NECTIN1: variants seen among roughly 807,000 people sequenced by gnomAD.
NECTIN1 encodes nectin-1.
A neutral mutation model predicts 48.0 loss-of-function variants in NECTIN1; 23 were observed. The ratio of observed to expected loss-of-function variants is 0.48; its 90% CI spans 0.34 to 0.68. The LOEUF is 0.68. NECTIN1 is among the 30% of genes least tolerant of loss of function. The pLI, the probability that NECTIN1 is intolerant of heterozygous loss-of-function variation, is 0.01. For synonymous variants in NECTIN1, 270 were observed against 288.9 expected (o/e 0.93, Z 0.66); for missense variants, 591 against 709.9 (o/e 0.83, Z 1.90).
In NECTIN1 at chr11:119,673,224, G is replaced by T. The variant is rs1864889262; in HGVS notation, c.1003+1935C>A. Among the ~76,000 whole-genome samples the T allele has an allele frequency of 6.6e-6, 1 of 152,130 alleles. No individual in the cohort carries two copies. Among genetic ancestry groups the T allele is most frequent in the African/African-American group, 2.4e-5 (1 of 41,426 alleles). ...TTGCCTGAGAGCACAAGAACAAACA[G>T]CCCTGAGAAGGCTCAGGCCAACTCC... On this transcript the variant is annotated intron_variant, in intron 5 of 5. Transcript: ENST00000264025. This position sits in a 1 kb window ranked among gnomAD's most constrained non-coding sequence, Gnocchi z 5.8.
chr11:119,678,822 C>T lies in NECTIN1; in HGVS notation c.80-57G>A. ...GTCAGGCACAGCCTCCCCCCACCCA[C>T]ACAGTTCCCTGTGCTCTGGCCTTGT... is the stretch of plus-strand genomic sequence containing the variant. On this transcript the variant is annotated intron_variant, in intron 1 of 5. Transcript: ENST00000264025. This position sits in a 1 kb window ranked among gnomAD's most constrained non-coding sequence, Gnocchi z 4.4. 8.3e-7 allele frequency: 1 copy of T among 1,208,532 alleles called. No individual in the cohort carries two copies. Among genetic ancestry groups the T allele is most frequent in the Non-Finnish European group, 1.2e-6 (1 of 832,758 alleles). 74.9% of individuals were successfully genotyped at this position (1,208,532 alleles called of 1,614,324 possible).
intron 1 of NECTIN1, among the ~76,000 whole-genome samples, chr11:119,688,257 T>C (rs1358028586): frequency 6.6e-6 from 1 of 152,172 alleles, no homozygotes; most frequent in East Asian, 1.9e-4. Flanking sequence ...GCTTGGCCCA[T>C]AGCTATGCTA....
intron 5 of NECTIN1, among the ~76,000 whole-genome samples, chr11:119,643,913 C>T (rs962229492): frequency 1.3e-5 from 2 of 152,222 alleles, no homozygotes; most frequent in Non-Finnish European, 2.9e-5. Context: ...GGGAGGTTGG[C>T]TATGTGCCTC....
At chr11:119,675,570 AG>A (rs1459919538) in intron 4 of NECTIN1, 3 of 418,758 alleles carry the variant, frequency 7.2e-6, no homozygotes, top group Non-Finnish European at 1.3e-5. Flanking sequence ...ATGAAACCTG[AG>A]GTTCAAGGCC....
At chr11:119,638,496 G>T (rs1026790177) in intron 7 of NECTIN1, among the ~76,000 whole-genome samples, 3 of 152,188 alleles carry the variant, frequency 2.0e-5, no homozygotes, top group Admixed American at 2.0e-4. Context: ...ATGAATGAAA[G>T]GACTGTGAGG....
intron 5 of NECTIN1, among the ~76,000 whole-genome samples, chr11:119,653,753 TTC>T (rs893449985): frequency 2.6e-5 from 4 of 152,350 alleles, no homozygotes; most frequent in Non-Finnish European, 4.4e-5. Context: ...GCTCAGTCTG[TTC>T]TAGGTGTTCT....
intron 1 of NECTIN1, among the ~76,000 whole-genome samples, chr11:119,689,706 A>G (rs750703292): frequency 3.3e-5 from 5 of 152,338 alleles, no homozygotes; most frequent in Admixed American, 3.3e-4. Context: ...CTGGAGCAAC[A>G]TTGGGATGGA....
chr11:119,665,357 G>C lies in NECTIN1; in HGVS notation c.1004-60C>G. The C allele has an allele frequency of 6.6e-7, 1 of 1,512,250 alleles. No homozygotes were observed. The highest frequency in any genetic ancestry group is 8.8e-7 in the Non-Finnish European group (1 of 1,134,488). 93.7% of individuals were successfully genotyped at this position (1,512,250 alleles called of 1,614,324 possible). ...AGCGTGTGCTCCTGGGGTGTAGAGG[G>C]GGTGGGAGGGAGGCAGGGAAAGGAG... is the stretch of plus-strand genomic sequence containing the variant. On this transcript the variant is annotated intron_variant, in intron 5 of 5. Coordinates refer to ENST00000264025, the MANE Select transcript of NECTIN1 (RefSeq NM_002855.5). This position sits in a 1 kb window ranked among gnomAD's most constrained non-coding sequence, Gnocchi z 5.1.
chr11:119,639,442 A>G (rs1049494520), intron 6 of NECTIN1: 15 of 231,282 alleles, frequency 6.5e-5, no homozygotes, highest in Admixed American at 2.1e-4. Context: ...CTGATGGTTG[A>G]GGGTTTTGGC....
chr11:119,660,137 C>A (rs540542627), downstream of NECTIN1, among the ~76,000 whole-genome samples: 32 of 152,300 alleles, frequency 2.1e-4, no homozygotes, highest in Admixed American at 1.7e-3. Context: ...GCCATCTTGG[C>A]TCTATCATTT....
At position 119,638,246 on chromosome 11, in the gene NECTIN1, A is replaced by C. The variant is rs755909663; in HGVS notation, c.1229T>G (p.Val410Gly). 30 of 1,613,860 alleles carry C rather than the reference A, an allele frequency of 1.9e-5. No homozygotes were observed. In the South Asian group the frequency reaches 3.3e-4, roughly 18 times the overall value. Residue 410 changes from valine to glycine, a missense_variant and splice_region_variant, in exon 8 of 8, where the codon GTT becomes GGT. Transcript: ENST00000341398. Reference sequence around the variant, plus strand: ...CTGCCTCCCTGGGTCCAGGTGGACAACCTGGAAGAGAAGGCGGTGAGTGCT... The same window carrying C: ...CTGCCTCCCTGGGTCCAGGTGGACACCCTGGAAGAGAAGGCGGTGAGTGCT...
In NECTIN1 at chr11:119,661,674, T is replaced by C; in HGVS notation, c.*3073A>G. The C allele has an allele frequency of 1.0e-6, 1 of 985,852 alleles. No individual in the cohort carries two copies. The allele number at this position is 985,852 out of a possible 1,614,324, so 61.1% of individuals were successfully genotyped here. ...ACCAGTGACTTGGGCAAGTGGGGGT[T>C]GGCTGGCAGAGGAAGCGCATGCCCA... On this transcript the variant is annotated 3_prime_UTR_variant, in exon 6 of 6. Transcript: ENST00000264025.
intron 1 of NECTIN1, among the ~76,000 whole-genome samples, chr11:119,705,557 G>A (rs971615971): frequency 1.3e-5 from 2 of 152,252 alleles, no homozygotes; most frequent in South Asian, 2.1e-4. Flanking sequence ...CAAAGGCCCC[G>A]TGGCGGGAGA....
chr11:119,664,353 C>T lies in NECTIN1; in HGVS notation c.*394G>A. On this transcript the variant is annotated 3_prime_UTR_variant, in exon 6 of 6. Transcript: ENST00000264025. Reference sequence around the variant, plus strand: ...CTCTTAGAGCCCCTTGAGCCCTCCACCCCCAGTGAAGAAACACAAACAAAT... The same window carrying T: ...CTCTTAGAGCCCCTTGAGCCCTCCATCCCCAGTGAAGAAACACAAACAAAT... 3 of 1,037,314 alleles carry T rather than the reference C, an allele frequency of 2.9e-6. No homozygotes were observed. Among genetic ancestry groups the T allele is most frequent in the Non-Finnish European group, 3.5e-6 (3 of 861,672 alleles). 64.3% of individuals were successfully genotyped at this position (1,037,314 alleles called of 1,614,324 possible).
At position 119,677,936 on chromosome 11, in the gene NECTIN1, C is replaced by T. The variant is rs762002294; in HGVS notation, c.431-79G>A. On this transcript the variant is annotated intron_variant, in intron 2 of 5. Transcript: ENST00000264025. The surrounding 1 kb of genome is among the most constrained non-coding windows in gnomAD (Gnocchi z 5.4). ...GCACCGGCCAAAAGGGCGTGGCATC[C>T]GTCAGGCCTTGTCTTCAGGTCCCCT... 2.9e-5 allele frequency: 42 copies of T among 1,441,952 alleles called. No homozygotes were observed. The highest frequency in any genetic ancestry group is 1.0e-4 in the Admixed American group (6 of 57,848). 89.3% of individuals were successfully genotyped at this position (1,441,952 alleles called of 1,614,324 possible). A position where few individuals can be genotyped will look rare whatever the true frequency, so the allele number is the denominator to read the frequency against.
chr11:119,689,676 A>G (rs368897591), intron 1 of NECTIN1, among the ~76,000 whole-genome samples: 7 of 152,354 alleles, frequency 4.6e-5, no homozygotes, highest in African/African-American at 1.7e-4. Context: ...GCGCACTGCC[A>G]GAGCAGCAGG....
intron 1 of NECTIN1, among the ~76,000 whole-genome samples, chr11:119,690,213 C>T (rs974054001): frequency 3.3e-5 from 5 of 152,144 alleles, no homozygotes; most frequent in Non-Finnish European, 7.4e-5. Context: ...CTTGGTGAAA[C>T]GTCACCCTGC....
intron 5 of NECTIN1, among the ~76,000 whole-genome samples, chr11:119,648,361 C>CTGGTGA (rs1864439985): frequency 7.5e-4 from 1 of 1,326 alleles, no homozygotes; most frequent in African/African-American, 3.3e-3. Context: ...GGTGGTGATG[C>CTGGTGA]TGGTGATGGT....
At chr11:119,721,338 T>C (rs1445287556) in intron 1 of NECTIN1, among the ~76,000 whole-genome samples, 1 of 152,054 alleles carries the variant, frequency 6.6e-6, no homozygotes, top group East Asian at 1.9e-4. Context: ...TTCCAGGACT[T>C]TGTGGGGAGG....
Sources: allele counts gnomAD v4.1 joint callset (sites outside exome capture counted in the v4.1 genomes callset), GRCh38; gene constraint gnomAD v4.1.1; non-coding constraint Gnocchi (gnomAD v3.1); transcripts MANE v1.5; gene names NCBI Gene and HGNC (gene_info 2026-07-23, HGNC 2026-07-21).